KLF12: variants seen among roughly 807,000 people sequenced by gnomAD.
KLF12 encodes Krueppel-like factor 12.
A neutral mutation model predicts 37.8 loss-of-function variants in KLF12; 9 were observed. That is an observed-to-expected ratio of 0.24 (90% confidence interval 0.14 to 0.42). The LOEUF (loss-of-function observed/expected upper bound fraction) is 0.42, where lower values mean the gene tolerates loss of function less well. Among genes scored for constraint, KLF12 ranks in the 10% least tolerant of loss-of-function variants. The probability of loss-of-function intolerance (pLI) is 1.00; values close to 1 mark genes in which losing one functional copy is unlikely to be tolerated. For missense variants in KLF12, 411 were observed against 516.0 expected, an observed-to-expected ratio of 0.80 and a Z score of 1.97; for synonymous variants, 208 against 202.1, an observed-to-expected ratio of 1.03 and a Z score of -0.25.
chr13:74,187,301 G>C, the KLF12 span, among the ~76,000 whole-genome samples: 1 of 151,852 alleles, frequency 6.6e-6, no homozygotes, highest in Non-Finnish European at 1.5e-5. Context: ...TCCAGCCTGG[G>C]TGACAGAGGG....
intron 6 of KLF12, among the ~76,000 whole-genome samples, chr13:73,735,385 C>A (rs990230493): frequency 3.3e-5 from 5 of 152,128 alleles, no homozygotes. Context: ...ATACAATGGA[C>A]AACAAAAGTC....
chr13:73,785,841 C>T (rs1223805635), intron 5 of KLF12, among the ~76,000 whole-genome samples: 2 of 152,122 alleles, frequency 1.3e-5, no homozygotes, highest in African/African-American at 4.8e-5. Flanking sequence ...CATCTCTGTT[C>T]CTGCCTATCC....
At chr13:74,218,537 C>A in the KLF12 span, among the ~76,000 whole-genome samples, 2 of 152,170 alleles carry the variant, frequency 1.3e-5, no homozygotes, top group East Asian at 3.8e-4. Flanking sequence ...TTGATTTTTC[C>A]ATTTTCTATG....
At chr13:74,058,825 G>A (rs1873410905) in intron 1 of KLF12, among the ~76,000 whole-genome samples, 1 of 152,120 alleles carries the variant, frequency 6.6e-6, no homozygotes, top group Admixed American at 6.5e-5. Context: ...TAGATTCAGG[G>A]TACACATGTG....
At chr13:74,040,103 CACT>C (rs956216846) in intron 1 of KLF12, among the ~76,000 whole-genome samples, 4 of 152,144 alleles carry the variant, frequency 2.6e-5, no homozygotes, top group Non-Finnish European at 5.9e-5. Flanking sequence ...AATAAATGGC[CACT>C]ACATTATCTT....
chr13:73,870,287 C>T (rs1460144550), intron 3 of KLF12, among the ~76,000 whole-genome samples: 1 of 152,156 alleles, frequency 6.6e-6, no homozygotes, highest in Non-Finnish European at 1.5e-5. Context: ...AACCTGTCAG[C>T]AAGTTGAAGA....
intron 3 of KLF12, among the ~76,000 whole-genome samples, chr13:73,870,632 T>C (rs1017247468): frequency 4.6e-5 from 7 of 152,240 alleles, no homozygotes; most frequent in Admixed American, 2.6e-4. Context: ...CTTTATGATA[T>C]CCATAATGCT....
intron 2 of KLF12, among the ~76,000 whole-genome samples, chr13:73,978,812 G>C (rs1254716912): frequency 6.6e-6 from 1 of 152,124 alleles, no homozygotes; most frequent in East Asian, 1.9e-4. Flanking sequence ...GAGACATCCA[G>C]ACCATGAAAT....
intron 6 of KLF12, among the ~76,000 whole-genome samples, chr13:73,732,587 T>C (rs1877146121): frequency 6.6e-6 from 1 of 152,108 alleles, no homozygotes; most frequent in African/African-American, 2.4e-5. Flanking sequence ...ACATCACACA[T>C]CTGCATACCC....
At chr13:74,150,546 T>C in the KLF12 span, among the ~76,000 whole-genome samples, 1 of 152,274 alleles carries the variant, frequency 6.6e-6, no homozygotes, top group Non-Finnish European at 1.5e-5. Context: ...ATTTCATGGA[T>C]AGAAGCTTCA....
At chr13:74,035,372 CAG>C (rs1893221102) in intron 1 of KLF12, among the ~76,000 whole-genome samples, 1 of 152,140 alleles carries the variant, frequency 6.6e-6, no homozygotes, top group Non-Finnish European at 1.5e-5. Flanking sequence ...CCCTTGGAAA[CAG>C]AGGGTTGACT....
At chr13:74,249,337 C>CAT in the KLF12 span, among the ~76,000 whole-genome samples, 1 of 19,980 alleles carries the variant, frequency 5.0e-5, no homozygotes, top group Non-Finnish European at 1.2e-4. Flanking sequence ...GCAGGAGCAT[C>CAT]ACACACACAC....
intron 1 of KLF12, among the ~76,000 whole-genome samples, chr13:74,110,076 T>C (rs1876888483): frequency 6.6e-6 from 1 of 152,186 alleles, no homozygotes; most frequent in Non-Finnish European, 1.5e-5. Context: ...CAAGAAAATT[T>C]GGAAATCTAG....
At chr13:73,992,896 C>T (rs928847448) in intron 2 of KLF12, among the ~76,000 whole-genome samples, 1 of 152,184 alleles carries the variant, frequency 6.6e-6, no homozygotes, top group Non-Finnish European at 1.5e-5. Context: ...TGTTCAAACG[C>T]ATCTACAATG....
chr13:73,724,924 T>A (rs551052940), intron 6 of KLF12, among the ~76,000 whole-genome samples: 4 of 152,310 alleles, frequency 2.6e-5, no homozygotes, highest in South Asian at 2.1e-4. Context: ...TTGGCAACAC[T>A]GATATTCTTT....
intron 7 of KLF12, among the ~76,000 whole-genome samples, chr13:73,707,164 C>T (rs1182396130): frequency 3.3e-5 from 5 of 152,106 alleles, no homozygotes; most frequent in African/African-American, 1.2e-4. Flanking sequence ...AGCATAGGCT[C>T]GAGAGAAACC....
At chr13:73,998,877 T>C (rs1287066094) in intron 1 of KLF12, among the ~76,000 whole-genome samples, 3 of 152,338 alleles carry the variant, frequency 2.0e-5, no homozygotes, top group Middle Eastern at 3.4e-3. Flanking sequence ...TCATAGCTAT[T>C]TTGACTAAAA....
chr13:73,704,978 T>C (rs1025659202), intron 7 of KLF12, among the ~76,000 whole-genome samples: 1 of 152,224 alleles, frequency 6.6e-6, no homozygotes, highest in African/African-American at 2.4e-5. Flanking sequence ...GAGAGTACAC[T>C]GTTTACATTC....
intron 2 of KLF12, among the ~76,000 whole-genome samples, chr13:73,973,305 C>T (rs1891397300): frequency 5.3e-5 from 8 of 152,138 alleles, no homozygotes. Context: ...AACAAAATGC[C>T]ACCAATCTCC....
Sources: gnomAD v4.1 joint callset for allele counts (sites outside exome capture counted in the v4.1 genomes callset) on GRCh38, gnomAD v4.1.1 for gene constraint, MANE v1.5 for transcripts, NCBI Gene and HGNC (gene_info 2026-07-23, HGNC 2026-07-21) for gene names.